MAF: variants seen among roughly 807,000 people sequenced by gnomAD.
MAF encodes MAF bZIP transcription factor.
MAF carries 10 observed loss-of-function variants against 22.0 expected under a neutral mutation model. The ratio of observed to expected loss-of-function variants is 0.45; its 90% CI spans 0.28 to 0.77. MAF has a LOEUF of 0.77. Among genes scored for constraint, MAF ranks in the 30% least tolerant of loss-of-function variants. The pLI, the probability that MAF is intolerant of heterozygous loss-of-function variation, is 0.12. For synonymous variants in MAF, 337 were observed against 255.8 expected (o/e 1.32, Z -3.03); for missense variants, 544 against 548.4 (o/e 0.99, Z 0.08).
At chr16:79,501,231 C>T in the MAF span, among the ~76,000 whole-genome samples, 3 of 152,216 alleles carry the variant, frequency 2.0e-5, no homozygotes, top group Admixed American at 2.0e-4. Flanking sequence ...CAGCATCTGC[C>T]TCCTTGAAGG....
chr16:79,494,981 C>T, the MAF span, among the ~76,000 whole-genome samples: 13 of 152,268 alleles, frequency 8.5e-5, no homozygotes, highest in South Asian at 8.3e-4. Context: ...ATGGAAGCAA[C>T]GCATAAGGAC....
At chr16:79,537,035 TTGTG>T in the MAF span, among the ~76,000 whole-genome samples, 16 of 152,102 alleles carry the variant, frequency 1.1e-4, no homozygotes, top group African/African-American at 2.9e-4. Context: ...TACAGTGTGT[TTGTG>T]TGTGTGTATG....
chr16:79,518,568 T>C, the MAF span, among the ~76,000 whole-genome samples: 1 of 152,236 alleles, frequency 6.6e-6, no homozygotes, highest in Non-Finnish European at 1.5e-5. Flanking sequence ...GCTATCTGAC[T>C]TTGGGAAAGT....
chr16:79,257,429 C>T, the MAF span, among the ~76,000 whole-genome samples: 1 of 152,096 alleles, frequency 6.6e-6, no homozygotes, highest in Non-Finnish European at 1.5e-5. Flanking sequence ...TCTGTTCTTC[C>T]AGAAAATTAT....
chr16:79,463,820 A>T, the MAF span, among the ~76,000 whole-genome samples: 1 of 152,066 alleles, frequency 6.6e-6, no homozygotes, highest in Non-Finnish European at 1.5e-5. Context: ...TCCCCCTGTG[A>T]ACTGTGAAAC....
the MAF span, among the ~76,000 whole-genome samples, chr16:79,355,145 T>C: frequency 6.6e-6 from 1 of 152,216 alleles, no homozygotes; most frequent in South Asian, 2.1e-4. Flanking sequence ...AAAGTCTATC[T>C]TGCAGGATCC....
chr16:79,399,795 G>A, the MAF span, among the ~76,000 whole-genome samples: 9 of 152,130 alleles, frequency 5.9e-5, no homozygotes, highest in Non-Finnish European at 8.8e-5. Context: ...GTGAAGATTC[G>A]TCCCAGCTTG....
the MAF span, among the ~76,000 whole-genome samples, chr16:79,377,008 G>A: frequency 6.6e-6 from 1 of 152,174 alleles, no homozygotes. Context: ...CTTTATAGCA[G>A]CATGTTTTAT....
At chr16:79,472,404 T>C in the MAF span, among the ~76,000 whole-genome samples, 5 of 152,168 alleles carry the variant, frequency 3.3e-5, no homozygotes, top group Admixed American at 6.5e-5. Context: ...ATACCCAAGA[T>C]ATGTTCTATC....
the MAF span, among the ~76,000 whole-genome samples, chr16:79,406,229 T>C: frequency 6.6e-6 from 1 of 152,220 alleles, no homozygotes; most frequent in Non-Finnish European, 1.5e-5. Context: ...TTACTTGCCT[T>C]CATATCCTGT....
At chr16:79,277,022 T>C in the MAF span, among the ~76,000 whole-genome samples, 2 of 152,146 alleles carry the variant, frequency 1.3e-5, no homozygotes, top group South Asian at 4.2e-4. Flanking sequence ...TGTATCTAAA[T>C]CTCTCTTTTT....
At chr16:79,595,938 A>G in intron 1 of MAF, 1 of 1,061,086 alleles carries the variant, frequency 9.4e-7, no homozygotes, top group Non-Finnish European at 1.1e-6. Context: ...AAAGCAAAAC[A>G]AAACAAACAA....
At chr16:79,259,508 T>C in the MAF span, among the ~76,000 whole-genome samples, 7 of 152,290 alleles carry the variant, frequency 4.6e-5, no homozygotes, top group South Asian at 4.1e-4. Flanking sequence ...TGACACTAAG[T>C]GCTTGTCCTT....
the MAF span, among the ~76,000 whole-genome samples, chr16:79,363,137 A>C: frequency 2.0e-5 from 3 of 152,126 alleles, no homozygotes; most frequent in Non-Finnish European, 4.4e-5. Context: ...ATTAATTTAA[A>C]AATCATTGAG....
the MAF span, among the ~76,000 whole-genome samples, chr16:79,431,880 G>C: frequency 3.3e-4 from 50 of 152,304 alleles, no homozygotes; most frequent in Non-Finnish European, 5.9e-4. Flanking sequence ...AAGTGTTACA[G>C]GTTGAATTGC....
the MAF span, among the ~76,000 whole-genome samples, chr16:79,507,721 G>A: frequency 2.0e-5 from 3 of 152,262 alleles, no homozygotes; most frequent in East Asian, 3.9e-4. Flanking sequence ...CACCGCGCCC[G>A]GCCGCATCCT....
the MAF span, among the ~76,000 whole-genome samples, chr16:79,218,518 A>G: frequency 1.1e-4 from 17 of 152,272 alleles, no homozygotes; most frequent in Middle Eastern, 3.4e-3. Flanking sequence ...GAGAGCCACA[A>G]TGCTATCTGG....
At chr16:79,579,838 T>C in the MAF span, among the ~76,000 whole-genome samples, 1 of 152,180 alleles carries the variant, frequency 6.6e-6, no homozygotes, top group Non-Finnish European at 1.5e-5. Context: ...AAGGAAATGA[T>C]GCTGAAGAGG....
chr16:79,378,925 T>A, the MAF span, among the ~76,000 whole-genome samples: 1 of 152,216 alleles, frequency 6.6e-6, no homozygotes, highest in Non-Finnish European at 1.5e-5. Flanking sequence ...CTGGTATACA[T>A]TTTTAGGTGG....
Sources: gnomAD v4.1 joint callset for allele counts (sites outside exome capture counted in the v4.1 genomes callset) on GRCh38, gnomAD v4.1.1 for gene constraint, MANE v1.5 for transcripts, NCBI Gene and HGNC (gene_info 2026-07-23, HGNC 2026-07-21) for gene names.